Variants in NEMP2 observed in about 807,000 individuals in gnomAD.
The protein encoded by NEMP2 is nuclear envelope integral membrane protein 2, also known as UPF0571 transmembrane protein.
NEMP2 carries 53 observed loss-of-function variants against 54.2 expected under a neutral mutation model. The observed-to-expected ratio is 0.98, with a 90% CI of 0.78 to 1.23. The LOEUF is 1.23. Among genes scored for constraint, NEMP2 ranks in the 50% most tolerant of loss-of-function variants. The probability of loss-of-function intolerance (pLI) is 0.00; values close to 1 mark genes in which losing one functional copy is unlikely to be tolerated. For missense variants in NEMP2, 455 were observed against 511.3 expected (o/e 0.89, Z 1.06); for synonymous variants, 197 against 190.3 (o/e 1.04, Z -0.29).
chr2:190,557,715 T>C, the NEMP2 span, among the ~76,000 whole-genome samples: 12 of 152,152 alleles, frequency 7.9e-5, no homozygotes, highest in East Asian at 2.1e-3. Context: ...AACAAACATA[T>C]GAAAAAATGC....
In NEMP2 at chr2:190,533,285, G is replaced by C. The variant is rs75304017; in HGVS notation, c.97+1274C>G. 1.1e-4 allele frequency among the ~76,000 whole-genome samples: 16 copies of C among 152,300 alleles called. No homozygotes were observed. Among genetic ancestry groups the C allele is most frequent in the Middle Eastern group, 3.4e-3 (1 of 294 alleles). ...AATTTTCTCGCTGTTGCCATGCCCA[G>C]AAACCTTCCTGCTTAGACAGATTTG... On this transcript the variant is annotated intron_variant, in intron 1 of 8. Transcript: ENST00000409150. This position sits in a 1 kb window ranked among gnomAD's most constrained non-coding sequence, Gnocchi z 4.3.
the NEMP2 span, among the ~76,000 whole-genome samples, chr2:190,631,988 A>G: frequency 1.3e-5 from 2 of 152,228 alleles, no homozygotes; most frequent in African/African-American, 4.8e-5. Flanking sequence ...CTCAGGAGGT[A>G]GAGCCTGCAG....
the NEMP2 span, chr2:190,465,048 A>G: frequency 2.5e-6 from 1 of 400,404 alleles, no homozygotes; most frequent in Non-Finnish European, 3.4e-6. This position sits in a 1 kb window ranked among gnomAD's most constrained non-coding sequence, Gnocchi z 4.6. Context: ...TCTTGAAAAA[A>G]ATACCAGTTT....
At chr2:190,453,741 G>A in the NEMP2 span, among the ~76,000 whole-genome samples, 1 of 152,216 alleles carries the variant, frequency 6.6e-6, no homozygotes, top group East Asian at 1.9e-4. Flanking sequence ...GGGCATTTCT[G>A]TGGGACTGGA....
chr2:190,603,038 C>A, the NEMP2 span, among the ~76,000 whole-genome samples: 1 of 152,136 alleles, frequency 6.6e-6, no homozygotes, highest in African/African-American at 2.4e-5. Context: ...CACTTTGAAT[C>A]TCATGAAATT....
At chr2:190,568,736 C>T in the NEMP2 span, among the ~76,000 whole-genome samples, 2 of 152,024 alleles carry the variant, frequency 1.3e-5, no homozygotes, top group Non-Finnish European at 2.9e-5. The surrounding 1 kb of genome is among the most constrained non-coding windows in gnomAD (Gnocchi z 4.7). Flanking sequence ...GCAGGAGAAT[C>T]GCTTGAACCC....
the NEMP2 span, chr2:190,437,213 A>G: frequency 6.2e-7 from 1 of 1,614,232 alleles, no homozygotes; most frequent in Non-Finnish European, 8.5e-7. The surrounding 1 kb of genome is among the most constrained non-coding windows in gnomAD (Gnocchi z 5.9). Context: ...CGCTACAACC[A>G]TTTCAAAAAC....
chr2:190,618,499 C>T, the NEMP2 span, among the ~76,000 whole-genome samples: 5 of 152,274 alleles, frequency 3.3e-5, no homozygotes, highest in South Asian at 2.1e-4. Context: ...CCCTCCTTCC[C>T]GCTCTTCGAC....
At chr2:190,441,673 G>C in the NEMP2 span, among the ~76,000 whole-genome samples, 4 of 151,998 alleles carry the variant, frequency 2.6e-5, no homozygotes, top group South Asian at 2.1e-4. Context: ...CTCTCTCTCT[G>C]TAGCTTTCTC....
At chr2:190,439,069 T>C in the NEMP2 span, among the ~76,000 whole-genome samples, 1 of 152,060 alleles carries the variant, frequency 6.6e-6, no homozygotes, top group Non-Finnish European at 1.5e-5. The surrounding 1 kb of genome is among the most constrained non-coding windows in gnomAD (Gnocchi z 5.8). Flanking sequence ...CCACATAATA[T>C]TAAGGACTCG....
chr2:190,500,029 T>C (rs755803351), downstream of NEMP2: 8 of 1,614,044 alleles, frequency 5.0e-6, no homozygotes, highest in Middle Eastern at 3.3e-4. The surrounding 1 kb of genome is among the most constrained non-coding windows in gnomAD (Gnocchi z 5.3). Context: ...CCAATGAGAA[T>C]AGGGAAAATT....
chr2:190,568,487 C>T, the NEMP2 span, among the ~76,000 whole-genome samples: 1 of 152,106 alleles, frequency 6.6e-6, no homozygotes, highest in Non-Finnish European at 1.5e-5. This position sits in a 1 kb window ranked among gnomAD's most constrained non-coding sequence, Gnocchi z 4.7. Context: ...ATATATATGC[C>T]TCAGTTTTGA....
chr2:190,594,187 G>A, the NEMP2 span, among the ~76,000 whole-genome samples: 1 of 151,922 alleles, frequency 6.6e-6, no homozygotes, highest in Non-Finnish European at 1.5e-5. The surrounding 1 kb of genome is among the most constrained non-coding windows in gnomAD (Gnocchi z 5.6). Flanking sequence ...CCTTTTACTC[G>A]AGGTCCTATC....
In NEMP2 at chr2:190,522,001, T is replaced by A. The variant is rs1031932631; in HGVS notation, c.214-2818A>T. 6.6e-6 allele frequency among the ~76,000 whole-genome samples: 1 copy of A among 151,982 alleles called. No homozygotes were observed. Among genetic ancestry groups the A allele is most frequent in the African/African-American group, 2.4e-5 (1 of 41,378 alleles). On this transcript the variant is annotated intron_variant, in intron 2 of 8. Coordinates refer to ENST00000409150, the MANE Select transcript of NEMP2 (RefSeq NM_001142645.2). This position sits in a 1 kb window ranked among gnomAD's most constrained non-coding sequence, Gnocchi z 5.0. ...ATATAAATATGCATCGCTAATTACT[T>A]TGCAAAAAAAGACACAGGAAAGATA...
the NEMP2 span, among the ~76,000 whole-genome samples, chr2:190,606,192 C>T: frequency 6.6e-6 from 1 of 151,950 alleles, no homozygotes; most frequent in African/African-American, 2.4e-5. Context: ...CTTCCTTTTT[C>T]CTACTAGTTA....
rs1453371075 is a variant in NEMP2, at chr2:190,514,480, G to A, written c.926C>T (p.Pro309Leu). The part of the protein sequence containing the change: ...LLMSSWSLHY[P>L]LRACSYMRWK... ...CCTCATATAACTGCATGCTCTCAGT[G>A]GGTAGTGCAGACTCCAGGAGGACAT... The change falls in exon 7 of 9, where the codon CCA (proline) becomes CTA (leucine). Residue 309 changes from proline to leucine, a missense_variant. Physicochemically the swap from Pro to Leu is moderately conservative, Grantham distance 98. Coordinates refer to ENST00000409150, the MANE Select transcript of NEMP2 (RefSeq NM_001142645.2). The surrounding 1 kb of genome is among the most constrained non-coding windows in gnomAD (Gnocchi z 5.7). 2 of 1,551,480 alleles carry A rather than the reference G, an allele frequency of 1.3e-6. No homozygotes were observed. Among genetic ancestry groups the A allele is most frequent in the Non-Finnish European group, 1.7e-6 (2 of 1,146,990 alleles).
the NEMP2 span, chr2:190,610,089 A>G: frequency 1.3e-5 from 2 of 152,214 alleles, no homozygotes; most frequent in Non-Finnish European, 2.9e-5. The surrounding 1 kb of genome is among the most constrained non-coding windows in gnomAD (Gnocchi z 5.4). Context: ...AAAAATTAGA[A>G]TTTAATCCAA....
At chr2:190,457,934 A>T in the NEMP2 span, among the ~76,000 whole-genome samples, 1 of 152,218 alleles carries the variant, frequency 6.6e-6, no homozygotes, top group Non-Finnish European at 1.5e-5. The surrounding 1 kb of genome is among the most constrained non-coding windows in gnomAD (Gnocchi z 5.1). Context: ...CTGGAAAAGC[A>T]AATAGCAATT....
chr2:190,515,681 T>C (rs1225566174), intron 6 of NEMP2, among the ~76,000 whole-genome samples: 1 of 152,226 alleles, frequency 6.6e-6, no homozygotes, highest in Non-Finnish European at 1.5e-5. Flanking sequence ...TGCTTTTGTT[T>C]TGAGGGAAGT....
Sources: allele counts gnomAD v4.1 joint callset (sites outside exome capture counted in the v4.1 genomes callset), GRCh38; gene constraint gnomAD v4.1.1; non-coding constraint Gnocchi (gnomAD v3.1); transcripts MANE v1.5; gene names NCBI Gene and HGNC (gene_info 2026-07-23, HGNC 2026-07-21).